SULT6B1: variants seen among roughly 807,000 people sequenced by gnomAD.
SULT6B1 encodes sulfotransferase family 6B member 1.
In SULT6B1, 44 loss-of-function variants were observed where a neutral mutation model predicts 37.2. That is an observed-to-expected ratio of 1.18 (90% CI 0.93 to 1.52). SULT6B1 has a LOEUF of 1.52. Among genes scored for constraint, SULT6B1 ranks in the 40% most tolerant of loss-of-function variants. The pLI is 0.00. For synonymous variants in SULT6B1, 140 were observed against 126.0 expected, an observed-to-expected ratio of 1.11 and a Z score of -0.74; for missense variants, 450 against 361.0, an observed-to-expected ratio of 1.25 and a Z score of -2.00.
Position 37,174,305 on chromosome 2 carries a change from G to T in SULT6B1, c.624+827C>A, listed in dbSNP as rs779278725. On this transcript the variant is annotated intron_variant, in intron 5 of 6. Coordinates refer to ENST00000535679, the MANE Select transcript of SULT6B1 (RefSeq NM_001367551.1). ...GCTGGAGTGTGGTGGCCTAATCATG[G>T]TTCACTGCAGCCTCTACCTCTTAGG... is the stretch of plus-strand genomic sequence containing the variant. Among the ~76,000 whole-genome samples, 64 of 132,036 alleles carry T rather than the reference G, an allele frequency of 4.8e-4. 1 individual carries two copies. Among genetic ancestry groups the T allele is most frequent in the Non-Finnish European group, 8.8e-4 (57 of 64,888 alleles). The allele number at this position is 132,036 out of a possible 152,430, so 86.6% of individuals were successfully genotyped here. A position where few individuals can be genotyped will look rare whatever the true frequency, so the allele number is the denominator to read the frequency against.
chr2:37,171,375 T>C, intron 6 of SULT6B1, 59 bp downstream of exon 6: 1 of 1,556,850 alleles, frequency 6.4e-7, no homozygotes, highest in Non-Finnish European at 8.7e-7. Context: ...TTGGATTACC[T>C]GTTGTGTGCA....
At chr2:37,177,249 G>T (rs1676449951) in intron 4 of SULT6B1, among the ~76,000 whole-genome samples, 1 of 151,296 alleles carries the variant, frequency 6.6e-6, no homozygotes, top group Non-Finnish European at 1.5e-5. Flanking sequence ...ATATAGTGAG[G>T]CCCCATCTCT....
intron 1 of SULT6B1, among the ~76,000 whole-genome samples, chr2:37,187,944 A>G (rs1558452392): frequency 6.6e-6 from 1 of 152,250 alleles, no homozygotes. Flanking sequence ...AAGCAGGATC[A>G]TCTAGATTCT....
At chr2:37,190,019 A>T (rs1237343187), upstream of SULT6B1, 1 of 152,216 alleles carries the variant, frequency 6.6e-6, no homozygotes, top group Admixed American at 6.5e-5. Flanking sequence ...CCCTCCCATG[A>T]CTCACACTGT....
chr2:37,183,216 CAT>C (rs1489680265), intron 3 of SULT6B1, among the ~76,000 whole-genome samples: 2 of 152,164 alleles, frequency 1.3e-5, no homozygotes, highest in East Asian at 1.9e-4. Flanking sequence ...TTATTCTATG[CAT>C]ATGTTTTATT....
intron 2 of SULT6B1, among the ~76,000 whole-genome samples, chr2:37,185,320 G>C (rs909962622): frequency 3.3e-5 from 5 of 152,080 alleles, no homozygotes; most frequent in African/African-American, 1.2e-4. Flanking sequence ...TGTGAGCAAA[G>C]ACTAGATACC....
chr2:37,184,073 A>G (rs1291008253), intron 2 of SULT6B1, among the ~76,000 whole-genome samples: 1 of 152,084 alleles, frequency 6.6e-6, no homozygotes, highest in East Asian at 1.9e-4. Flanking sequence ...CATTTTTGTA[A>G]TTTTTTAAAA....
chr2:37,179,778 A>G (rs1022494552), intron 3 of SULT6B1, among the ~76,000 whole-genome samples, 194 bp from the exon 4 acceptor site: 2 of 152,200 alleles, frequency 1.3e-5, no homozygotes, highest in Non-Finnish European at 2.9e-5. Flanking sequence ...AGAAAGAAGA[A>G]GAAAAAGATT....
intron 3 of SULT6B1, 84 bp from the exon 4 acceptor site, chr2:37,179,668 C>G: frequency 1.7e-6 from 2 of 1,174,354 alleles, no homozygotes; most frequent in Non-Finnish European, 2.5e-6. Flanking sequence ...ATCATCATGT[C>G]CACTCGTATA....
Position 37,168,052 on chromosome 2 carries a change from A to G in SULT6B1, c.795T>C (p.Asp265=), listed in dbSNP as rs562447930. Residue 265 remains aspartate (D), a synonymous_variant, in exon 7 of 7, where the codon GAT becomes GAC. Coordinates refer to ENST00000535679, the MANE Select transcript of SULT6B1 (RefSeq NM_001367551.1). ...PFLFRKGEVG[D]WKNLFSEIQN... ...GAATTTCACTGAACAAATTTTTCCA[A>G]TCACCAACTTCACCTACAACACACA... 41 of 1,593,486 alleles carry G rather than the reference A, an allele frequency of 2.6e-5. No individual in the cohort carries two copies. In the South Asian group the frequency reaches 2.9e-4, roughly 11 times the overall value.
intron 5 of SULT6B1, among the ~76,000 whole-genome samples, chr2:37,174,626 T>TTG (rs1299432891): frequency 6.6e-6 from 1 of 152,186 alleles, no homozygotes; most frequent in Non-Finnish European, 1.5e-5. Context: ...TTAAAAATTA[T>TTG]TGTGTTTATT....
chr2:37,175,993 A>C (rs1572457837), intron 4 of SULT6B1, among the ~76,000 whole-genome samples: 1 of 152,304 alleles, frequency 6.6e-6, no homozygotes, highest in East Asian at 1.9e-4. Flanking sequence ...TTTTAAAATG[A>C]GAAATTTAGT....
At chr2:37,187,003 T>C (rs777823279) in intron 2 of SULT6B1, among the ~76,000 whole-genome samples, 12 of 152,236 alleles carry the variant, frequency 7.9e-5, no homozygotes, top group Non-Finnish European at 1.6e-4. Flanking sequence ...CTGAGGTTTC[T>C]CAGCTTACTT....
Position 37,188,648 on chromosome 2 carries a change from C to T in SULT6B1, c.-8G>A, listed in dbSNP as rs555697700. The T allele has an allele frequency of 1.9e-6, 2 of 1,053,732 alleles. No homozygotes were observed. The highest frequency in any genetic ancestry group is 1.9e-5 in the Admixed American group (1 of 51,712). The allele number at this position is 1,053,732 out of a possible 1,614,324, so 65.3% of individuals were successfully genotyped here. ...TTTGGATTTATCAGCCATGGTGGCT[C>T]CCTGTAAAAGAACCTGCTCTGTGGC... On this transcript the variant is annotated 5_prime_UTR_variant, in exon 1 of 7. Transcript: ENST00000535679.
At chr2:37,178,090 G>T (rs188126057) in intron 4 of SULT6B1, among the ~76,000 whole-genome samples, 1 of 152,198 alleles carries the variant, frequency 6.6e-6, no homozygotes, top group African/African-American at 2.4e-5. Flanking sequence ...TGTTGCCCAG[G>T]CTGGAGTGCA....
At chr2:37,176,900 G>A (rs1676443628) in intron 4 of SULT6B1, among the ~76,000 whole-genome samples, 1 of 152,088 alleles carries the variant, frequency 6.6e-6, no homozygotes, top group African/African-American at 2.4e-5. Context: ...GAACACATTC[G>A]GCTACTGCTG....
At chr2:37,173,596 A>G (rs1173774118) in intron 5 of SULT6B1, among the ~76,000 whole-genome samples, 2 of 152,116 alleles carry the variant, frequency 1.3e-5, no homozygotes, top group African/African-American at 2.4e-5. Context: ...ACCTGCTGCC[A>G]TCTCCTACTC....
chr2:37,173,392 C>G (rs76931869), intron 5 of SULT6B1, among the ~76,000 whole-genome samples: 3,619 of 152,170 alleles, frequency 0.024, 64 homozygotes, highest in Middle Eastern at 0.058. Flanking sequence ...TATATACCTA[C>G]GTATATATTT....
At chr2:37,176,401 A>C (rs1294669213) in intron 4 of SULT6B1, among the ~76,000 whole-genome samples, 1 of 151,332 alleles carries the variant, frequency 6.6e-6, no homozygotes, top group Admixed American at 6.6e-5. Flanking sequence ...CTGGGACTAC[A>C]GGCACACACC....
Sources: allele counts gnomAD v4.1 joint callset (sites outside exome capture counted in the v4.1 genomes callset), GRCh38; gene constraint gnomAD v4.1.1; transcripts MANE v1.5; gene names NCBI Gene and HGNC (gene_info 2026-07-23, HGNC 2026-07-21).